The following ACBD6 variants were observed in gnomAD, a reference collection of about 807,000 sequenced individuals.
The protein encoded by ACBD6 is acyl-CoA-binding domain-containing protein 6.
Under a neutral mutation model 37.2 loss-of-function variants are expected in ACBD6, and 28 were observed. The observed-to-expected ratio is 0.75, with a 90% CI of 0.56 to 1.03. The LOEUF (loss-of-function observed/expected upper bound fraction) is 1.03. Ranked by LOEUF, ACBD6 falls within the 50% of genes least tolerant of loss-of-function variation. ACBD6 has a pLI of 0.00. For synonymous variants in ACBD6, 113 were observed against 126.8 expected (o/e 0.89, Z 0.73); for missense variants, 340 against 337.4 (o/e 1.01, Z -0.06).
intron 3 of ACBD6, among the ~76,000 whole-genome samples, chr1:180,441,000 G>A (rs1004132039): frequency 6.6e-6 from 1 of 152,146 alleles, no homozygotes; most frequent in African/African-American, 2.4e-5. Flanking sequence ...TGTGAATACT[G>A]CTGCTATGAT....
chr1:180,327,738 C>T (rs10913969), intron 6 of ACBD6, among the ~76,000 whole-genome samples: 21,853 of 152,150 alleles, frequency 0.14, 2,388 homozygotes, highest in East Asian at 0.36. Flanking sequence ...CAATGACAGA[C>T]ATGATAATAC....
intron 3 of ACBD6, among the ~76,000 whole-genome samples, chr1:180,441,892 T>C (rs1197072765): frequency 1.3e-5 from 2 of 152,220 alleles, no homozygotes; most frequent in Non-Finnish European, 2.9e-5. Flanking sequence ...GTCTAATTGC[T>C]CTGGCTAGAA....
intron 3 of ACBD6, among the ~76,000 whole-genome samples, chr1:180,482,762 A>G (rs114428896): frequency 0.02 from 3,033 of 152,274 alleles, 97 homozygotes; most frequent in African/African-American, 0.068. Flanking sequence ...AAACTTTTTT[A>G]AAAGAAGAAT....
At position 180,495,502 on chromosome 1, in the gene ACBD6, A is replaced by G; in HGVS notation, c.246T>C (p.Thr82=). 1 of 1,610,974 alleles carries G rather than the reference A, an allele frequency of 6.2e-7. No homozygotes were observed. ...CAAAATCAAAGAAGCTTGGTTTAGGAGTATTACAATTTCCAACTTTGACCT... is the reference window on the plus strand; with the variant it reads ...CAAAATCAAAGAAGCTTGGTTTAGGGGTATTACAATTTCCAACTTTGACCT... ...YKQVKVGNCN[T]PKPSFFDFEG... Residue 82 remains threonine (T), a synonymous_variant, in exon 2 of 8, where the codon ACT becomes ACC. Transcript: ENST00000367595.
At chr1:180,342,843 A>G (rs1413085437) in intron 6 of ACBD6, among the ~76,000 whole-genome samples, 4 of 152,050 alleles carry the variant, frequency 2.6e-5, no homozygotes, top group African/African-American at 9.6e-5. Flanking sequence ...TCAAGAATGA[A>G]TAAGTGAAAG....
intron 7 of ACBD6, among the ~76,000 whole-genome samples, chr1:180,291,497 C>T (rs1247005132): frequency 6.6e-6 from 1 of 152,068 alleles, no homozygotes; most frequent in Non-Finnish European, 1.5e-5. Context: ...GCTTATCTGC[C>T]AACTATCTAT....
chr1:180,374,274 C>A (rs566850894), intron 6 of ACBD6, among the ~76,000 whole-genome samples: 1 of 152,202 alleles, frequency 6.6e-6, no homozygotes, highest in Non-Finnish European at 1.5e-5. Context: ...CCCTTACACT[C>A]ACATGCACAC....
At chr1:180,311,795 T>C (rs1428785791) in intron 7 of ACBD6, among the ~76,000 whole-genome samples, 1 of 152,208 alleles carries the variant, frequency 6.6e-6, no homozygotes, top group Non-Finnish European at 1.5e-5. Flanking sequence ...AAGTTTTCCT[T>C]CTTACCAAAT....
chr1:180,306,285 C>T (rs1192860555), intron 7 of ACBD6, among the ~76,000 whole-genome samples: 1 of 150,566 alleles, frequency 6.6e-6, no homozygotes, highest in African/African-American at 2.5e-5. Context: ...CCAAACCAAA[C>T]AAAACAAAAA....
intron 3 of ACBD6, among the ~76,000 whole-genome samples, chr1:180,440,828 T>C (rs1649252666): frequency 6.6e-6 from 1 of 152,238 alleles, no homozygotes; most frequent in African/African-American, 2.4e-5. Context: ...GTCTGGCCTC[T>C]CACTTGGTTT....
At chr1:180,471,094 C>T (rs905087906) in intron 3 of ACBD6, among the ~76,000 whole-genome samples, 2 of 152,110 alleles carry the variant, frequency 1.3e-5, no homozygotes, top group South Asian at 2.1e-4. Flanking sequence ...CTAAGTGACG[C>T]AAATAATTGA....
chr1:180,274,592 C>T, intron 10 of ACBD6: 2 of 1,549,622 alleles, frequency 1.3e-6, no homozygotes, highest in Non-Finnish European at 1.7e-6. Flanking sequence ...TTCTCTCCTC[C>T]CCACCCTACC....
At chr1:180,478,904 G>A (rs982055272) in intron 3 of ACBD6, among the ~76,000 whole-genome samples, 2 of 152,128 alleles carry the variant, frequency 1.3e-5, no homozygotes, top group South Asian at 2.1e-4. Flanking sequence ...AAGGCAGGAG[G>A]ATCACTTGAG....
At chr1:180,459,967 C>CTTTTTTTT (rs67323272) in intron 3 of ACBD6, among the ~76,000 whole-genome samples, 1 of 107,980 alleles carries the variant, frequency 9.3e-6, no homozygotes, top group African/African-American at 3.2e-5. Flanking sequence ...CAGACTGCTT[C>CTTTTTTTT]TTTTTTTTTT....
intron 7 of ACBD6, among the ~76,000 whole-genome samples, chr1:180,294,788 G>A (rs78384229): frequency 0.02 from 2,996 of 151,722 alleles, 100 homozygotes; most frequent in African/African-American, 0.068. Context: ...TGGAACTCCT[G>A]GGCATGAGTG....
intron 6 of ACBD6, among the ~76,000 whole-genome samples, chr1:180,315,980 A>G (rs1476610108): frequency 2.0e-5 from 3 of 152,166 alleles, no homozygotes; most frequent in Non-Finnish European, 1.5e-5. Context: ...GAAAAGTAAA[A>G]GATGGAAAGC....
chr1:180,440,995 A>G (rs1649259898), intron 3 of ACBD6, among the ~76,000 whole-genome samples: 1 of 152,200 alleles, frequency 6.6e-6, no homozygotes, highest in Non-Finnish European at 1.5e-5. Context: ...GCTATTGTGA[A>G]TACTGCTGCT....
At chr1:180,284,875 A>G (rs772542811), downstream of ACBD6, among the ~76,000 whole-genome samples, 3 of 152,126 alleles carry the variant, frequency 2.0e-5, no homozygotes, top group Non-Finnish European at 4.4e-5. Context: ...CATGTGGCCA[A>G]GCCTGGTGGC....
chr1:180,332,387 C>T (rs1651519490), intron 6 of ACBD6, among the ~76,000 whole-genome samples: 1 of 152,136 alleles, frequency 6.6e-6, no homozygotes, highest in Non-Finnish European at 1.5e-5. Context: ...AACTGGGCTA[C>T]ACAACAGGAG....
Sources: gnomAD v4.1 joint callset for allele counts (sites outside exome capture counted in the v4.1 genomes callset) on GRCh38, gnomAD v4.1.1 for gene constraint, MANE v1.5 for transcripts, NCBI Gene and HGNC (gene_info 2026-07-23, HGNC 2026-07-21) for gene names.